Variants in DPP10 observed in about 807,000 individuals in gnomAD.
DPP10 encodes dipeptidyl peptidase like 10.
A neutral mutation model predicts 120.9 loss-of-function variants in DPP10; 33 were observed. The observed-to-expected ratio is 0.27, with a 90% confidence interval of 0.21 to 0.37. The LOEUF is 0.37. DPP10 is among the 10% of genes least tolerant of loss of function. The pLI is 1.00. For missense variants in DPP10, 816 were observed against 942.8 expected (o/e 0.87, Z 1.76); for synonymous variants, 337 against 326.1 (o/e 1.03, Z -0.36).
chr2:115,747,222 T>C (rs1243181488), intron 10 of DPP10, among the ~76,000 whole-genome samples: 3 of 152,188 alleles, frequency 2.0e-5, no homozygotes, highest in Middle Eastern at 3.2e-3. Flanking sequence ...GACTCATTGA[T>C]AAGAAAAGTA....
chr2:114,825,087 G>A (rs1236074038), intron 1 of DPP10, among the ~76,000 whole-genome samples: 1 of 152,156 alleles, frequency 6.6e-6, no homozygotes, highest in Non-Finnish European at 1.5e-5. Context: ...GAAAAGGAAT[G>A]CAGTTATCAA....
intron 1 of DPP10, among the ~76,000 whole-genome samples, chr2:114,636,218 G>A (rs1301796220): frequency 6.6e-6 from 1 of 151,936 alleles, no homozygotes; most frequent in Non-Finnish European, 1.5e-5. Context: ...ACTGTGCTTT[G>A]ATATGCAGCA....
intron 1 of DPP10, among the ~76,000 whole-genome samples, chr2:114,954,099 GATACAGA>G (rs1422868073): frequency 6.8e-5 from 2 of 29,240 alleles, no homozygotes; most frequent in Admixed American, 6.1e-4. Context: ...TTTTTTTTTT[GATACAGA>G]GTCTCACTCT....
At chr2:115,009,236 A>T (rs1278840557) in intron 1 of DPP10, among the ~76,000 whole-genome samples, 1 of 151,254 alleles carries the variant, frequency 6.6e-6, no homozygotes, top group Non-Finnish European at 1.5e-5. Context: ...ACACCATGGA[A>T]TACTATGCAG....
At chr2:115,323,259 A>G (rs1485760040) in intron 2 of DPP10, among the ~76,000 whole-genome samples, 1 of 152,202 alleles carries the variant, frequency 6.6e-6, no homozygotes. Context: ...ATGTCAAGAA[A>G]CTGCTCCTTT....
At chr2:115,643,647 T>G (rs1221831163) in intron 5 of DPP10, among the ~76,000 whole-genome samples, 1 of 152,232 alleles carries the variant, frequency 6.6e-6, no homozygotes, top group African/African-American at 2.4e-5. Flanking sequence ...ACTTGTACTT[T>G]TACTGGCATT....
chr2:115,800,370 T>TCCC (rs1332185832), intron 19 of DPP10, among the ~76,000 whole-genome samples: 1 of 152,202 alleles, frequency 6.6e-6, no homozygotes, highest in Admixed American at 6.5e-5. Context: ...AAAAATTTTC[T>TCCC]CCCATTCTGT....
In DPP10 at chr2:114,554,163, A is replaced by G. The variant is rs531238154; in HGVS notation, c.60+111325A>G. 2.6e-5 allele frequency among the ~76,000 whole-genome samples: 4 copies of G among 152,344 alleles called. No homozygotes were observed. In the East Asian group the frequency reaches 7.7e-4, roughly 29 times the overall value. On this transcript the variant is annotated intron_variant, in intron 1 of 25. Coordinates refer to ENST00000410059, the MANE Select transcript of DPP10 (RefSeq NM_020868.6). ...CTATATCTCTATTTCTTTTCTCTCC[A>G]TCCCATGCTTTCCTCTCTGACCCAC...
intron 1 of DPP10, among the ~76,000 whole-genome samples, chr2:115,218,571 A>C (rs973774414): frequency 1.3e-5 from 2 of 152,156 alleles, no homozygotes; most frequent in African/African-American, 4.8e-5. Flanking sequence ...TACTTCAACA[A>C]GATCCTGTTC....
At chr2:115,019,501 C>G (rs966483491) in intron 1 of DPP10, among the ~76,000 whole-genome samples, 2 of 151,958 alleles carry the variant, frequency 1.3e-5, no homozygotes, top group Non-Finnish European at 1.5e-5. Flanking sequence ...ATGAACAAGG[C>G]CTTCAAGAAG....
At chr2:115,137,943 C>T (rs563746858) in intron 1 of DPP10, among the ~76,000 whole-genome samples, 2 of 151,996 alleles carry the variant, frequency 1.3e-5, no homozygotes, top group African/African-American at 4.8e-5. Flanking sequence ...AAATGAAGGT[C>T]ATCAGCATAA....
At chr2:115,539,460 A>G (rs1212923241) in intron 5 of DPP10, among the ~76,000 whole-genome samples, 1 of 152,018 alleles carries the variant, frequency 6.6e-6, no homozygotes, top group Non-Finnish European at 1.5e-5. Context: ...AATATTCAAA[A>G]GATGGGTAGA....
intron 1 of DPP10, among the ~76,000 whole-genome samples, chr2:115,260,000 TTTTAAAAATGATATG>T (rs1413868198): frequency 2.0e-5 from 3 of 151,504 alleles, no homozygotes; most frequent in Admixed American, 2.0e-4. Flanking sequence ...ATAATTACAC[TTTTAAAAATGATATG>T]TTTAAAAACT....
rs574593702 is a variant in DPP10 at position 115,405,028 on chromosome 2, A to G, written c.271+61116A>G. On this transcript the variant is annotated intron_variant, in intron 3 of 25. Coordinates refer to ENST00000410059, the MANE Select transcript of DPP10 (RefSeq NM_020868.6). ...TCCCCCTATAACTCATGTACTCACA[A>G]TGAAAAATGTTTTCAACCCATTTCA... 3.0e-4 allele frequency among the ~76,000 whole-genome samples: 45 copies of G among 152,308 alleles called. No homozygotes were observed. In the South Asian group the frequency reaches 7.3e-3, roughly 25 times the overall value.
intron 8 of DPP10, among the ~76,000 whole-genome samples, chr2:115,728,515 G>T (rs1270035776): frequency 6.6e-6 from 1 of 152,126 alleles, no homozygotes; most frequent in Non-Finnish European, 1.5e-5. Flanking sequence ...TATCAGCTGA[G>T]TTCTACATAT....
At chr2:115,506,994 A>C (rs975457472) in intron 4 of DPP10, among the ~76,000 whole-genome samples, 2 of 151,606 alleles carry the variant, frequency 1.3e-5, no homozygotes, top group African/African-American at 4.9e-5. Context: ...CTCGTGAACA[A>C]AGGATAACAA....
chr2:115,662,483 A>G lies in DPP10; in HGVS notation c.442-27204A>G, dbSNP rs375277800. On this transcript the variant is annotated intron_variant, in intron 5 of 25. Coordinates refer to ENST00000410059, the MANE Select transcript of DPP10 (RefSeq NM_020868.6). ...TATTGTTTTCTATAATGGTCATACC[A>G]ATTCACATTTCTCAAAAGAAACATA... is the stretch of plus-strand genomic sequence containing the variant. Among the ~76,000 whole-genome samples the G allele has an allele frequency of 1.6e-4, 24 of 151,858 alleles. No homozygotes were observed. In the East Asian group the frequency reaches 1.9e-3, roughly 12 times the overall value.
At chr2:115,446,135 G>A (rs1169484713) in intron 3 of DPP10, among the ~76,000 whole-genome samples, 3 of 152,236 alleles carry the variant, frequency 2.0e-5, no homozygotes, top group Admixed American at 6.5e-5. Context: ...GGGTGCAAGC[G>A]CCAAGCCTTG....
chr2:114,820,987 G>A (rs558003912), intron 1 of DPP10, among the ~76,000 whole-genome samples: 3 of 152,244 alleles, frequency 2.0e-5, no homozygotes, highest in Admixed American at 1.3e-4. Flanking sequence ...TTGAGAAGTG[G>A]AGAGTTTAAT....
Sources: gnomAD v4.1 joint callset for allele counts (sites outside exome capture counted in the v4.1 genomes callset) on GRCh38, gnomAD v4.1.1 for gene constraint, MANE v1.5 for transcripts, NCBI Gene and HGNC (gene_info 2026-07-23, HGNC 2026-07-21) for gene names.